GALNT8: variants seen among roughly 807,000 people sequenced by gnomAD.
The protein encoded by GALNT8 is probable polypeptide N-acetylgalactosaminyltransferase 8.
A neutral mutation model predicts 62.7 loss-of-function variants in GALNT8; 66 were observed. The observed-to-expected ratio is 1.05, with a 90% confidence interval of 0.86 to 1.29. The LOEUF is 1.29. Among genes scored for constraint, GALNT8 ranks in the 50% most tolerant of loss-of-function variants. The pLI is 0.00. For missense variants in GALNT8, 771 were observed against 791.8 expected (o/e 0.97, Z 0.32); for synonymous variants, 288 against 294.3 (o/e 0.98, Z 0.22).
At chr12:4,757,614 T>C (rs1946350929) in intron 6 of GALNT8, among the ~76,000 whole-genome samples, 1 of 152,206 alleles carries the variant, frequency 6.6e-6, no homozygotes, top group Non-Finnish European at 1.5e-5. Context: ...TTAAGAGCAC[T>C]ACCTGAAAGT....
In GALNT8 at chr12:4,726,806, C is replaced by T. The variant is rs146201449; in HGVS notation, c.486C>T (p.Thr162=). The change falls in exon 2 of 11, where the codon ACC becomes ACT. Residue 162 remains threonine, a synonymous_variant. Coordinates refer to ENST00000252318, the MANE Select transcript of GALNT8 (RefSeq NM_017417.2). This position sits in a 1 kb window ranked among gnomAD's most constrained non-coding sequence, Gnocchi z 4.1. The part of the protein sequence containing the change: ...YLSNQLPLNR[T]IPDTRDYRCL... The stretch of plus-strand genomic sequence containing the variant: ...GCAACCAGCTGCCTCTCAATCGCAC[C>T]ATCCCCGACACGCGAGACTACAGGT... 50 of 1,613,130 alleles carry T rather than the reference C, an allele frequency of 3.1e-5. No homozygotes were observed. Among genetic ancestry groups the T allele is most frequent in the Non-Finnish European group, 4.2e-5 (49 of 1,179,530 alleles).
At chr12:4,763,825 C>G (rs558523835) in intron 8 of GALNT8, 127 bp from the exon 9 acceptor site, 1 of 676,760 alleles carries the variant, frequency 1.5e-6, no homozygotes, top group South Asian at 1.7e-5. Flanking sequence ...GATCCCAGCC[C>G]TCTGCTCCTT....
intron 2 of GALNT8, among the ~76,000 whole-genome samples, chr12:4,734,893 G>A (rs7306338): frequency 1 from 152,186 of 152,244 alleles, 76,064 homozygotes; most frequent in Middle Eastern, 1. Context: ...TTCCCTTGCA[G>A]TTTCAGAGGG....
At chr12:4,753,748 TG>T (rs1946332157) in intron 6 of GALNT8, among the ~76,000 whole-genome samples, 1 of 152,244 alleles carries the variant, frequency 6.6e-6, no homozygotes, top group African/African-American at 2.4e-5. Flanking sequence ...GTCTGAGCAT[TG>T]AAGAGTTAGT....
chr12:4,738,533 A>C lies in GALNT8; in HGVS notation c.510-630A>C, dbSNP rs143977149. The stretch of plus-strand genomic sequence containing the variant: ...CCATACATCTGATAAGAAGTCTAGA[A>C]TATATAAAGAATGCTTACAAAACTC... On this transcript the variant is annotated intron_variant, in intron 2 of 10. Coordinates refer to ENST00000252318, the MANE Select transcript of GALNT8 (RefSeq NM_017417.2). 2.9e-3 allele frequency among the ~76,000 whole-genome samples: 449 copies of C among 152,356 alleles called. 2 individuals are homozygous for C. The highest frequency in any genetic ancestry group is 9.8e-3 in the African/African-American group (408 of 41,594).
Position 4,744,610 on chromosome 12 carries a change from G to T in GALNT8, c.770G>T (p.Gly257Val), listed in dbSNP as rs1946287793. Residue 257 changes from glycine to valine, a missense_variant, in exon 4 of 11, where the codon GGT becomes GTT. Transcript: ENST00000252318. The part of the protein sequence containing the change: ...LKIIRHPERK[G>V]LAQARNTGWE... ...ATAATACGGCATCCTGAAAGGAAAG[G>T]TCTTGCTCAAGCCCGCAACACTGGC... The T allele has an allele frequency of 6.2e-7, 1 of 1,613,626 alleles. No individual in the cohort carries two copies. The highest frequency in any genetic ancestry group is 1.3e-5 in the African/African-American group (1 of 74,916).
intron 6 of GALNT8, among the ~76,000 whole-genome samples, chr12:4,755,373 A>G (rs965003770): frequency 6.6e-6 from 1 of 152,190 alleles, no homozygotes. Flanking sequence ...CTGCTCTAAC[A>G]GGACAGCACT....
At chr12:4,748,300 C>T (rs889966425) in intron 6 of GALNT8, among the ~76,000 whole-genome samples, 1 of 152,088 alleles carries the variant, frequency 6.6e-6, no homozygotes, top group Non-Finnish European at 1.5e-5. Context: ...TTGCCCAGAC[C>T]AGTGTCCTAG....
intron 2 of GALNT8, among the ~76,000 whole-genome samples, chr12:4,738,775 G>A (rs901642462): frequency 3.3e-5 from 5 of 152,224 alleles, no homozygotes; most frequent in African/African-American, 7.2e-5. Flanking sequence ...GTCTCTGGTG[G>A]TGAAGTAGAG....
chr12:4,764,795 G>A (rs1469519211), intron 9 of GALNT8, among the ~76,000 whole-genome samples: 3 of 150,038 alleles, frequency 2.0e-5, no homozygotes, highest in Non-Finnish European at 4.4e-5. Flanking sequence ...CTCGTGATCC[G>A]CCCACCTTGG....
chr12:4,735,207 T>C (rs1255342384), intron 2 of GALNT8, among the ~76,000 whole-genome samples: 1 of 152,240 alleles, frequency 6.6e-6, no homozygotes, highest in Non-Finnish European at 1.5e-5. Context: ...AACAACTATT[T>C]GACTGGAGAA....
chr12:4,770,317 A>C (rs915553943), intron 10 of GALNT8, among the ~76,000 whole-genome samples: 61 of 152,056 alleles, frequency 4.0e-4, no homozygotes, highest in African/African-American at 1.2e-3. Flanking sequence ...AAAAAAAAAA[A>C]AACAAAAAAC....
At chr12:4,721,960 C>T (rs12317402) in intron 1 of GALNT8, among the ~76,000 whole-genome samples, 6 of 150,658 alleles carry the variant, frequency 4.0e-5, no homozygotes, top group African/African-American at 7.4e-5. Context: ...TGACTCTTAA[C>T]GAGCATGCTG....
chr12:4,739,109 C>A, intron 2 of GALNT8, 54 bp from the exon 3 acceptor site: 2 of 1,048,638 alleles, frequency 1.9e-6, no homozygotes, highest in African/African-American at 1.6e-5. Flanking sequence ...GATTGGATAG[C>A]AGTGTTGAAG....
intron 6 of GALNT8, among the ~76,000 whole-genome samples, chr12:4,752,995 C>T (rs12309892): frequency 2.0e-3 from 303 of 152,274 alleles, no homozygotes; most frequent in African/African-American, 7.0e-3. Context: ...TATGTCATGT[C>T]ACTCTCTCCT....
At chr12:4,734,302 T>G (rs1048357764) in intron 2 of GALNT8, among the ~76,000 whole-genome samples, 1 of 152,178 alleles carries the variant, frequency 6.6e-6, no homozygotes, top group Non-Finnish European at 1.5e-5. Context: ...GCTCCTACTC[T>G]TACTGTACCA....
chr12:4,753,553 A>G (rs1017851019), intron 6 of GALNT8, among the ~76,000 whole-genome samples: 2 of 152,134 alleles, frequency 1.3e-5, no homozygotes, highest in African/African-American at 4.8e-5. Flanking sequence ...TGTTAAATTT[A>G]TCTGATAGAA....
chr12:4,751,959 T>C (rs117244051), intron 6 of GALNT8, among the ~76,000 whole-genome samples: 65 of 152,324 alleles, frequency 4.3e-4, no homozygotes, highest in Non-Finnish European at 7.8e-4. Flanking sequence ...ATATTTAAAA[T>C]TGTTATAGCC....
chr12:4,720,660 A>G lies in GALNT8; in HGVS notation c.-18A>G, dbSNP rs2137513397. 6.5e-7 allele frequency: 1 copy of G among 1,540,040 alleles called. No homozygotes were observed. The highest frequency in any genetic ancestry group is 9.0e-7 in the Non-Finnish European group (1 of 1,112,358). On this transcript the variant is annotated 5_prime_UTR_variant, in exon 1 of 11. Transcript: ENST00000252318. Reference sequence around the variant, plus strand: ...ACACACTCAGTCCCACAGGGAGTGGACGACCCCCAGGAAGAAGATGATGTT... The same window carrying G: ...ACACACTCAGTCCCACAGGGAGTGGGCGACCCCCAGGAAGAAGATGATGTT...
Sources: allele counts gnomAD v4.1 joint callset (sites outside exome capture counted in the v4.1 genomes callset), GRCh38; gene constraint gnomAD v4.1.1; non-coding constraint Gnocchi (gnomAD v3.1); transcripts MANE v1.5; gene names NCBI Gene and HGNC (gene_info 2026-07-23, HGNC 2026-07-21).